ARGFX: variants seen among roughly 807,000 people sequenced by gnomAD.
ARGFX encodes arginine-fifty homeobox.
ARGFX carries 10 observed loss-of-function variants against 8.0 expected under a neutral mutation model. The observed-to-expected ratio is 1.25, with a 90% confidence interval of 0.77 to 2.12. The LOEUF (loss-of-function observed/expected upper bound fraction) is 2.12, where lower values mean the gene tolerates loss of function less well. Ranked by LOEUF, ARGFX falls within the 30% of genes most tolerant of loss-of-function variation. The pLI is 0.00. For synonymous variants in ARGFX, 116 were observed against 117.8 expected (o/e 0.98, Z 0.10); for missense variants, 282 against 324.3 (o/e 0.87, Z 1.00).
At chr3:121,569,407 C>CCAG (rs1417494311) in intron 1 of ARGFX, among the ~76,000 whole-genome samples, 1 of 149,650 alleles carries the variant, frequency 6.7e-6, no homozygotes, top group Non-Finnish European at 1.5e-5. Flanking sequence ...GCTCTGTCGC[C>CCAG]CAGGCTGGAG....
rs1560123280 is a variant in ARGFX at position 121,586,306 on chromosome 3, T to C, written c.654T>C (p.Pro218=). Residue 218 remains proline, a synonymous_variant, in exon 5 of 5, where the codon CCT becomes CCC. Transcript: ENST00000334384. ...GGGAGAGGCTGGTGGCCTCGGTTCC[T>C]GCTTTGTACTCTGATGCCTATGACA... is the stretch of plus-strand genomic sequence containing the variant. ...TQWERLVASV[P]ALYSDAYDIF... is the part of the protein sequence containing the mutation. 1 of 1,614,254 alleles carries C rather than the reference T, an allele frequency of 6.2e-7. No homozygotes were observed. The highest frequency in any genetic ancestry group is 2.2e-5 in the East Asian group (1 of 44,892).
chr3:121,575,805 T>C (rs1576441515), intron 2 of ARGFX, among the ~76,000 whole-genome samples: 1 of 151,942 alleles, frequency 6.6e-6, no homozygotes, highest in Admixed American at 6.6e-5. Flanking sequence ...CTCAGCTACT[T>C]GGGAGGCTGA....
chr3:121,580,899 T>G (rs2048775816), intron 3 of ARGFX, among the ~76,000 whole-genome samples: 1 of 152,158 alleles, frequency 6.6e-6, no homozygotes, highest in African/African-American at 2.4e-5. Context: ...CTTCCTTTAC[T>G]GTATCATCTA....
At chr3:121,584,171 C>T (rs1477185187) in intron 3 of ARGFX, among the ~76,000 whole-genome samples, 1 of 142,238 alleles carries the variant, frequency 7.0e-6, no homozygotes, top group African/African-American at 2.6e-5. Flanking sequence ...GAGCAAGACC[C>T]CGTCTCTAAA....
chr3:121,570,687 G>A lies in ARGFX; in HGVS notation c.-12-15G>A. 1.3e-6 allele frequency: 2 copies of A among 1,531,644 alleles called. No individual in the cohort carries two copies. Among genetic ancestry groups the A allele is most frequent in the Non-Finnish European group, 9.0e-7 (1 of 1,116,190 alleles). 94.9% of individuals were successfully genotyped at this position (1,531,644 alleles called of 1,614,324 possible). ...CCTCATCAGCATTCCCTATCTCATA[G>A]GCCTTCCATCTCAGATTTCAGAAAC... On this transcript the variant is annotated splice_polypyrimidine_tract_variant and intron_variant, in intron 1 of 4. Transcript: ENST00000334384.
chr3:121,580,594 G>GTGTGTGTATA (rs1394661822), intron 3 of ARGFX, among the ~76,000 whole-genome samples: 1 of 73,388 alleles, frequency 1.4e-5, no homozygotes, highest in African/African-American at 5.5e-5. Context: ...GTGTGTGTGT[G>GTGTGTGTATA]TATATATATA....
At chr3:121,579,126 T>C (rs966212352) in intron 3 of ARGFX, among the ~76,000 whole-genome samples, 1 of 152,214 alleles carries the variant, frequency 6.6e-6, no homozygotes, top group African/African-American at 2.4e-5. Flanking sequence ...AGACAGCATG[T>C]ATACATTTAA....
chr3:121,578,646 A>G (rs1442218874), intron 3 of ARGFX, among the ~76,000 whole-genome samples: 6 of 151,484 alleles, frequency 4.0e-5, no homozygotes, highest in African/African-American at 1.5e-4. Context: ...GTTCATAATC[A>G]CATTCCTAGA....
chr3:121,577,253 A>ATTT (rs1456963912), intron 3 of ARGFX, among the ~76,000 whole-genome samples: 4 of 53,302 alleles, frequency 7.5e-5, no homozygotes, highest in African/African-American at 2.3e-4. Context: ...ATATATATAT[A>ATTT]TATATATTTT....
chr3:121,572,263 C>T (rs1322594822), intron 2 of ARGFX, among the ~76,000 whole-genome samples: 12 of 117,934 alleles, frequency 1.0e-4, no homozygotes, highest in East Asian at 5.1e-4. Flanking sequence ...TTTTTAAAGA[C>T]GGAGTTTCGC....
Position 121,584,923 on chromosome 3 carries a change from G to A in ARGFX, c.227G>A (p.Arg76Gln), listed in dbSNP as rs771961950. Reference protein sequence around the residue: ...ASRVAATTAIRRRHKERTSFT... With the variant: ...ASRVAATTAIQRRHKERTSFT... ...CTTTATCTCTGCCCTGAAGCAATAC[G>A]GAGAAGGCATAAAGAACGTACTTCT... is the stretch of plus-strand genomic sequence containing the variant. The change falls in exon 4 of 5, where the codon CGG (arginine) becomes CAG (glutamine). Residue 76 changes from arginine (R) to glutamine (Q), a missense_variant. By Grantham distance (43) the Arg-to-Gln change is conservative. Transcript: ENST00000334384. 8.1e-6 allele frequency: 13 copies of A among 1,612,418 alleles called. No homozygotes were observed. Among genetic ancestry groups the A allele is most frequent in the African/African-American group, 4.0e-5 (3 of 74,974 alleles).
At chr3:121,583,035 T>C (rs1226473386) in intron 3 of ARGFX, among the ~76,000 whole-genome samples, 1 of 149,232 alleles carries the variant, frequency 6.7e-6, no homozygotes, top group African/African-American at 2.5e-5. Flanking sequence ...ATTTTTTTTT[T>C]TTTTTTTTTT....
chr3:121,571,332 T>A (rs1378091997), intron 2 of ARGFX, among the ~76,000 whole-genome samples: 1 of 152,064 alleles, frequency 6.6e-6, no homozygotes, highest in Non-Finnish European at 1.5e-5. Flanking sequence ...TTTAAAAATA[T>A]GTAAAACTGT....
In ARGFX at chr3:121,582,983, G is replaced by T. The variant is rs551414859; in HGVS notation, c.221-1934G>T. On this transcript the variant is annotated intron_variant, in intron 3 of 4. Transcript: ENST00000334384. ...GGCCTCCCAAAGTGCTGGGATTATAGGTGTGAGCCACTGTGCATGGCCAAA... is the reference window on the plus strand; with the variant it reads ...GGCCTCCCAAAGTGCTGGGATTATATGTGTGAGCCACTGTGCATGGCCAAA... Among the ~76,000 whole-genome samples, 67 of 151,580 alleles carry T rather than the reference G, an allele frequency of 4.4e-4. 1 individual carries two copies. The highest frequency in any genetic ancestry group is 1.6e-3 in the African/African-American group (67 of 41,316).
At chr3:121,570,647 T>G (rs1176076928) in intron 1 of ARGFX, 55 bp from the exon 2 acceptor site, 1 of 1,200,256 alleles carries the variant, frequency 8.3e-7, no homozygotes, top group African/African-American at 1.5e-5. Context: ...AACATTGCTA[T>G]CCAGCGAATG....
Position 121,587,034 on chromosome 3 carries a change from T to C in ARGFX, c.*434T>C, listed in dbSNP as rs1371046002. Among the ~76,000 whole-genome samples the C allele has an allele frequency of 6.6e-6, 1 of 151,728 alleles. No homozygotes were observed. Among genetic ancestry groups the C allele is most frequent in the African/African-American group, 2.4e-5 (1 of 41,294 alleles). On this transcript the variant is annotated 3_prime_UTR_variant, in exon 5 of 5. Coordinates refer to ENST00000334384, the MANE Select transcript of ARGFX (RefSeq NM_001012659.2). ...CCTCCTGAGTAGCTAGGACTACAGA[T>C]GCTCGCCACCACACCTGGCTAATTT...
chr3:121,584,024 T>G (rs1362757482), intron 3 of ARGFX, among the ~76,000 whole-genome samples: 3 of 151,946 alleles, frequency 2.0e-5, no homozygotes, highest in Non-Finnish European at 4.4e-5. Context: ...AAGAAAAAGT[T>G]TTTTAATTAG....
chr3:121,571,018 T>G (rs993035456), intron 2 of ARGFX, among the ~76,000 whole-genome samples: 7 of 152,230 alleles, frequency 4.6e-5, no homozygotes, highest in Non-Finnish European at 1.0e-4. Flanking sequence ...TTATGAGAGA[T>G]AAGCTAAGAA....
At chr3:121,584,862 G>C in intron 3 of ARGFX, 55 bp from the exon 4 acceptor site, 1 of 1,563,784 alleles carries the variant, frequency 6.4e-7, no homozygotes, top group Non-Finnish European at 8.7e-7. Flanking sequence ...TTTTGGTTGG[G>C]GGGAGAGATT....
Sources: allele counts gnomAD v4.1 joint callset (sites outside exome capture counted in the v4.1 genomes callset), GRCh38; gene constraint gnomAD v4.1.1; transcripts MANE v1.5; gene names NCBI Gene and HGNC (gene_info 2026-07-23, HGNC 2026-07-21).